The following CDH22 variants were observed in gnomAD, a reference collection of about 807,000 sequenced individuals.
The protein encoded by CDH22 is cadherin 22.
Under a neutral mutation model 58.4 loss-of-function variants are expected in CDH22, and 30 were observed. The ratio of observed to expected loss-of-function variants is 0.51; its 90% CI spans 0.38 to 0.70. The LOEUF (loss-of-function observed/expected upper bound fraction) is 0.70, where lower values mean the gene tolerates loss of function less well. Among genes scored for constraint, CDH22 ranks in the 30% least tolerant of loss-of-function variants. CDH22 has a pLI of 0.00. For missense variants in CDH22, 1,014 were observed against 1,233.9 expected (o/e 0.82, Z 2.67); for synonymous variants, 513 against 558.2 (o/e 0.92, Z 1.14).
intron 10 of CDH22, among the ~76,000 whole-genome samples, chr20:46,181,692 CT>C (rs1228669263): frequency 7.7e-5 from 10 of 129,274 alleles, no homozygotes; most frequent in African/African-American, 3.0e-4. Flanking sequence ...TTCCCTCTTT[CT>C]TTTCTTTTCT....
At position 46,251,017 on chromosome 20, in the gene CDH22, G is replaced by T; in HGVS notation, c.255+23C>A. ...TGTCCCCAGGGTCCTGGGATCTGGA[G>T]TTGGAGTGGGGCCCCACTTTACCTT... is the stretch of plus-strand genomic sequence containing the variant. On this transcript the variant is annotated intron_variant, in intron 2 of 11. Coordinates refer to ENST00000537909, the MANE Select transcript of CDH22 (RefSeq NM_021248.3). This position sits in a 1 kb window ranked among gnomAD's most constrained non-coding sequence, Gnocchi z 6.7. The T allele has an allele frequency of 2.0e-6, 3 of 1,486,120 alleles. No individual in the cohort carries two copies. The highest frequency in any genetic ancestry group is 1.1e-5 in the South Asian group (1 of 88,490). The allele number at this position is 1,486,120 out of a possible 1,614,324, so 92.1% of individuals were successfully genotyped here. A position where few individuals can be genotyped will look rare whatever the true frequency, so the allele number is the denominator to read the frequency against.
At chr20:46,233,834 G>A (rs2086235617) in intron 3 of CDH22, among the ~76,000 whole-genome samples, 2 of 152,256 alleles carry the variant, frequency 1.3e-5, no homozygotes, top group South Asian at 2.1e-4. Flanking sequence ...GAGAGCCAGT[G>A]CCGTTGCTAG....
At chr20:46,307,799 G>A (rs1600733504) in intron 1 of CDH22, among the ~76,000 whole-genome samples, 1 of 152,002 alleles carries the variant, frequency 6.6e-6, no homozygotes, top group African/African-American at 2.4e-5. Flanking sequence ...GGGAGGGGCC[G>A]GGGAGCCGAG....
chr20:46,237,769 T>G (rs1288462339), intron 3 of CDH22, among the ~76,000 whole-genome samples: 1 of 152,158 alleles, frequency 6.6e-6, no homozygotes, highest in Non-Finnish European at 1.5e-5. Flanking sequence ...TCCTACTCTC[T>G]GCATGACCTT....
chr20:46,179,125 G>C (rs1176689183), intron 10 of CDH22, among the ~76,000 whole-genome samples: 4 of 152,180 alleles, frequency 2.6e-5, no homozygotes, highest in African/African-American at 9.7e-5. Context: ...TAGGAGTCAG[G>C]CCACCTGACC....
rs571221668 is a variant in CDH22, at chr20:46,222,828, C to T, written c.670+4680G>A. ...CTCCTCTGGCATTGGGGCCTCGCGG[C>T]GCCCCGCCTCCTCCCTTCCCTCACA... On this transcript the variant is annotated intron_variant, in intron 4 of 11. Transcript: ENST00000537909. 2.0e-5 allele frequency among the ~76,000 whole-genome samples: 3 copies of T among 152,392 alleles called. No homozygotes were observed. The East Asian group carries it at 5.8e-4, about 29-fold the overall frequency.
chr20:46,209,145 G>A (rs530482971), intron 7 of CDH22, among the ~76,000 whole-genome samples: 14 of 152,190 alleles, frequency 9.2e-5, no homozygotes, highest in African/African-American at 3.4e-4. Flanking sequence ...AAGGGTTGGG[G>A]TGGAGTTGAA....
intron 1 of CDH22, among the ~76,000 whole-genome samples, chr20:46,293,196 C>T (rs2145778584): frequency 6.6e-6 from 1 of 152,240 alleles, no homozygotes; most frequent in African/African-American, 2.4e-5. Flanking sequence ...TGCCCCCATC[C>T]CCAGTCCTAG....
intron 3 of CDH22, among the ~76,000 whole-genome samples, chr20:46,234,087 C>T (rs1396944202): frequency 3.3e-5 from 5 of 152,144 alleles, no homozygotes; most frequent in Admixed American, 2.0e-4. Context: ...CCCCAAGCAC[C>T]GAATTTAAGA....
chr20:46,188,351 C>T (rs1434120342), intron 8 of CDH22, among the ~76,000 whole-genome samples: 1 of 152,198 alleles, frequency 6.6e-6, no homozygotes, highest in African/African-American at 2.4e-5. Context: ...GGTCATTTGA[C>T]CTCCCTGTGC....
At chr20:46,214,811 G>C (rs1283223731) in intron 5 of CDH22, among the ~76,000 whole-genome samples, 2 of 152,332 alleles carry the variant, frequency 1.3e-5, no homozygotes, top group Admixed American at 1.3e-4. Flanking sequence ...CCCATTGTTA[G>C]AATTACTGCG....
At chr20:46,185,463 A>G (rs910169468) in intron 10 of CDH22, among the ~76,000 whole-genome samples, 6 of 152,048 alleles carry the variant, frequency 3.9e-5, no homozygotes, top group Non-Finnish European at 8.8e-5. Flanking sequence ...CTGACTCCCT[A>G]TATGACCCTG....
intron 8 of CDH22, among the ~76,000 whole-genome samples, chr20:46,196,621 G>A (rs935087108): frequency 1.3e-5 from 2 of 152,196 alleles, no homozygotes; most frequent in African/African-American, 4.8e-5. Context: ...CAGGACTGGA[G>A]GGGCAGCTGA....
intron 2 of CDH22, among the ~76,000 whole-genome samples, chr20:46,242,144 T>A (rs1441515591): frequency 6.6e-6 from 1 of 152,230 alleles, no homozygotes; most frequent in Non-Finnish European, 1.5e-5. Context: ...ATTTATGTAC[T>A]TTTCTAGTTA....
intron 11 of CDH22, 43 bp from the exon 12 acceptor site, chr20:46,175,120 C>G: frequency 6.4e-7 from 1 of 1,558,592 alleles, no homozygotes. Flanking sequence ...CAAGCCCCTC[C>G]CAGGGCATTA....
intron 4 of CDH22, 143 bp from the exon 5 acceptor site, chr20:46,217,136 C>T (rs1398014733): frequency 2.0e-5 from 14 of 699,148 alleles, no homozygotes; most frequent in South Asian, 5.7e-5. Context: ...AGGACATCCA[C>T]GTGTCCACCA....
chr20:46,255,472 T>C (rs138872667), intron 1 of CDH22, among the ~76,000 whole-genome samples: 164 of 152,348 alleles, frequency 1.1e-3, no homozygotes, highest in Middle Eastern at 3.4e-3. Context: ...TGCAACCCAG[T>C]GTCGGAGTCA....
intron 5 of CDH22, among the ~76,000 whole-genome samples, chr20:46,215,678 G>T (rs552889712): frequency 6.6e-6 from 1 of 152,332 alleles, no homozygotes; most frequent in East Asian, 1.9e-4. Context: ...GAAAGAAAAA[G>T]AAAGGAAGGA....
intron 8 of CDH22, among the ~76,000 whole-genome samples, chr20:46,188,586 G>A (rs555128263): frequency 3.2e-4 from 49 of 152,326 alleles, no homozygotes; most frequent in African/African-American, 1.2e-3. Context: ...TTGAAACTGT[G>A]TGTACAACAC....
Sources: gnomAD v4.1 joint callset for allele counts (sites outside exome capture counted in the v4.1 genomes callset) on GRCh38, gnomAD v4.1.1 for gene constraint, Gnocchi (gnomAD v3.1) non-coding constraint, MANE v1.5 for transcripts, NCBI Gene and HGNC (gene_info 2026-07-23, HGNC 2026-07-21) for gene names.